HSD17B12: variants seen among roughly 807,000 people sequenced by gnomAD.
The protein encoded by HSD17B12 is very-long-chain 3-oxoacyl-CoA reductase.
HSD17B12 carries 32 observed loss-of-function variants against 39.3 expected under a neutral mutation model. That is an observed-to-expected ratio of 0.81 (90% confidence interval 0.61 to 1.09). The LOEUF is 1.09. Ranked by LOEUF, HSD17B12 falls within the 50% of genes least tolerant of loss-of-function variation. The pLI is 0.00. For synonymous variants in HSD17B12, 150 were observed against 146.7 expected (o/e 1.02, Z -0.16); for missense variants, 342 against 382.9 (o/e 0.89, Z 0.89).
chr11:43,672,291 C>T, the HSD17B12 span, among the ~76,000 whole-genome samples: 1 of 152,096 alleles, frequency 6.6e-6, no homozygotes, highest in African/African-American at 2.4e-5. Flanking sequence ...CCTCATGATC[C>T]GCCTGCCTCG....
chr11:43,763,646 T>C (rs1486449969), intron 3 of HSD17B12, among the ~76,000 whole-genome samples: 2 of 148,442 alleles, frequency 1.3e-5, no homozygotes, highest in Admixed American at 6.7e-5. Context: ...ATATAAGATA[T>C]ATATATAGAG....
chr11:43,803,421 T>G (rs1950989358), intron 4 of HSD17B12, among the ~76,000 whole-genome samples: 1 of 152,184 alleles, frequency 6.6e-6, no homozygotes, highest in South Asian at 2.1e-4. Context: ...AAATATTCTA[T>G]GTATAGACTG....
chr11:43,751,620 CTTT>C (rs1950465666), intron 2 of HSD17B12, among the ~76,000 whole-genome samples: 1 of 152,122 alleles, frequency 6.6e-6, no homozygotes, highest in Admixed American at 6.6e-5. Flanking sequence ...CTCAAAAGGT[CTTT>C]TTGTTAATTT....
chr11:43,854,744 A>G lies in HSD17B12; in HGVS notation c.714A>G (p.Lys238=). 1 of 1,614,104 alleles carries G rather than the reference A, an allele frequency of 6.2e-7. No individual in the cohort carries two copies. The highest frequency in any genetic ancestry group is 8.5e-7 in the Non-Finnish European group (1 of 1,180,022). ...TCCTGCCATACTTCGTAGCTACAAA[A>G]CTGGCTAAAATCCGGAAGCCAACTT... ...QSVLPYFVAT[K]LAKIRKPTLD... Residue 238 remains lysine, a synonymous_variant, in exon 10 of 11, where the codon AAA becomes AAG. Transcript: ENST00000278353.
chr11:43,612,604 C>T, the HSD17B12 span, among the ~76,000 whole-genome samples: 1 of 152,168 alleles, frequency 6.6e-6, no homozygotes, highest in Non-Finnish European at 1.5e-5. Context: ...TGGGGTTTCA[C>T]CATGTTGCCC....
At chr11:43,736,292 T>A (rs1950315980) in intron 1 of HSD17B12, among the ~76,000 whole-genome samples, 1 of 152,170 alleles carries the variant, frequency 6.6e-6, no homozygotes, top group African/African-American at 2.4e-5. Context: ...CAGTTTTTTT[T>A]TTGTTTTCGT....
chr11:43,806,154 T>C (rs146848180), intron 4 of HSD17B12: 57 of 152,272 alleles, frequency 3.7e-4, no homozygotes, highest in African/African-American at 1.3e-3. Context: ...AGAGTTTTTA[T>C]TGGGGGTTTC....
At chr11:43,653,647 G>C in the HSD17B12 span, among the ~76,000 whole-genome samples, 1 of 152,042 alleles carries the variant, frequency 6.6e-6, no homozygotes, top group Non-Finnish European at 1.5e-5. Context: ...GAGAACATGT[G>C]GTGTTTGGTT....
At chr11:43,638,850 A>C in the HSD17B12 span, among the ~76,000 whole-genome samples, 1 of 152,316 alleles carries the variant, frequency 6.6e-6, no homozygotes, top group South Asian at 2.1e-4. Flanking sequence ...CTTTCAGAAC[A>C]CTAAAAATGC....
chr11:43,742,140 T>TATATA (rs1554964313), intron 1 of HSD17B12, among the ~76,000 whole-genome samples: 6 of 50,918 alleles, frequency 1.2e-4, no homozygotes, highest in Non-Finnish European at 2.0e-4. Context: ...TATATATATA[T>TATATA]TTTTTTTTTT....
intron 1 of HSD17B12, chr11:43,719,218 G>A (rs781295209): frequency 4.4e-4 from 286 of 647,322 alleles, no homozygotes; most frequent in Non-Finnish European, 5.2e-4. Flanking sequence ...TCAATTTCTG[G>A]TTGGGCTGGG....
the HSD17B12 span, among the ~76,000 whole-genome samples, chr11:43,668,475 A>G: frequency 6.6e-6 from 1 of 152,206 alleles, no homozygotes; most frequent in East Asian, 1.9e-4. Flanking sequence ...TCCTTATAAT[A>G]TGGTCCCACA....
chr11:43,557,235 C>T, the HSD17B12 span, among the ~76,000 whole-genome samples: 1 of 152,144 alleles, frequency 6.6e-6, no homozygotes, highest in African/African-American at 2.4e-5. Context: ...CCCTAGTGTT[C>T]TGTGGTTTGG....
intron 1 of HSD17B12, among the ~76,000 whole-genome samples, chr11:43,739,836 A>G (rs998746078): frequency 1.3e-5 from 2 of 152,170 alleles, no homozygotes; most frequent in Non-Finnish European, 2.9e-5. Flanking sequence ...GGCATGCTTG[A>G]GTGGAAGGAG....
chr11:43,757,013 G>A lies in HSD17B12; in HGVS notation c.283+2892G>A, dbSNP rs188047689. Among the ~76,000 whole-genome samples, 536 of 152,284 alleles carry A rather than the reference G, an allele frequency of 3.5e-3. 3 individuals carry two copies. Among genetic ancestry groups the A allele is most frequent in the South Asian group, 8.1e-3 (39 of 4,818 alleles). ...GGCATAATATGAATTTAATAGGAGA[G>A]GTGATATCAGCAGACTATGTCTTCT... On this transcript the variant is annotated intron_variant, in intron 3 of 10. Coordinates refer to ENST00000278353, the MANE Select transcript of HSD17B12 (RefSeq NM_016142.3).
chr11:43,742,662 G>A (rs895558363), intron 1 of HSD17B12, among the ~76,000 whole-genome samples: 1 of 152,028 alleles, frequency 6.6e-6, no homozygotes, highest in African/African-American at 2.4e-5. Flanking sequence ...GTCTCCCATT[G>A]CCTGACCACT....
At chr11:43,682,794 T>TC (rs1244175730) in intron 1 of HSD17B12, among the ~76,000 whole-genome samples, 16 of 151,616 alleles carry the variant, frequency 1.1e-4, no homozygotes, top group East Asian at 1.9e-4. Flanking sequence ...TCTTTTCTTT[T>TC]TTTTTTTGAG....
intron 3 of HSD17B12, among the ~76,000 whole-genome samples, chr11:43,797,368 T>C (rs1950924564): frequency 6.6e-6 from 1 of 152,162 alleles, no homozygotes; most frequent in Non-Finnish European, 1.5e-5. Flanking sequence ...TGAGTGGAGA[T>C]GGTTGAGGAG....
chr11:43,812,778 TA>T lies in HSD17B12; in HGVS notation c.392-2656del, dbSNP rs1221071174. ...GATGTTCACATTTTCATTGTGTGAATAAATAGCTTTGATAGCTTTCCTTTGC... is the reference window on the plus strand; with the variant it reads ...GATGTTCACATTTTCATTGTGTGAATAATAGCTTTGATAGCTTTCCTTTGC... On this transcript the variant is annotated intron_variant, in intron 4 of 10. Coordinates refer to ENST00000278353, the MANE Select transcript of HSD17B12 (RefSeq NM_016142.3). Among the ~76,000 whole-genome samples, 3 of 152,244 alleles carry T rather than the reference TA, an allele frequency of 2.0e-5. No individual in the cohort carries two copies. The East Asian group carries it at 5.8e-4, about 29-fold the overall frequency.
Sources: gnomAD v4.1 joint callset for allele counts (sites outside exome capture counted in the v4.1 genomes callset) on GRCh38, gnomAD v4.1.1 for gene constraint, MANE v1.5 for transcripts, NCBI Gene and HGNC (gene_info 2026-07-23, HGNC 2026-07-21) for gene names.